TMEM240: variants seen among roughly 807,000 people sequenced by gnomAD.
TMEM240 encodes transmembrane protein C1orf70.
Under a neutral mutation model 19.5 loss-of-function variants are expected in TMEM240, and 3 were observed. The ratio of observed to expected loss-of-function variants is 0.15; its 90% CI spans 0.07 to 0.40. The LOEUF (loss-of-function observed/expected upper bound fraction) is 0.40, where lower values mean the gene tolerates loss of function less well. Among genes scored for constraint, TMEM240 ranks in the 10% least tolerant of loss-of-function variants. The pLI is 1.00. For missense variants in TMEM240, 210 were observed against 253.5 expected, an observed-to-expected ratio of 0.83 and a Z score of 1.17; for synonymous variants, 123 against 109.3, an observed-to-expected ratio of 1.13 and a Z score of -0.78.
At chr1:1,539,584 G>T in intron 2 of TMEM240, 100 bp downstream of exon 2, 1 of 1,063,440 alleles carries the variant, frequency 9.4e-7, no homozygotes, top group Non-Finnish European at 1.4e-6. Context: ...GGTGGAAGGC[G>T]GCTCGCGGCC....
At chr1:1,537,945 C>T (rs943784176) in intron 2 of TMEM240, among the ~76,000 whole-genome samples, 1 of 152,238 alleles carries the variant, frequency 6.6e-6, no homozygotes, top group Non-Finnish European at 1.5e-5. Context: ...TCCACGTCAA[C>T]GTCTACGTAT....
intron 2 of TMEM240, 162 bp downstream of exon 2, chr1:1,539,522 C>A (rs1350825523): frequency 1.6e-6 from 1 of 641,286 alleles, no homozygotes; most frequent in Non-Finnish European, 2.7e-6. Flanking sequence ...CCCAGGAGAC[C>A]CCCGCCCACC....
At position 1,535,382 on chromosome 1, in the gene TMEM240, G is replaced by A. The variant is rs1175853964; in HGVS notation, c.499C>T (p.His167Tyr). ...GCTCACAGGTGCCGCGGGCTGGGGT[G>A]GCCATTGTGGTAGAGTTTCTGCTTC... ...HVKQKLYHNG[H>Y]PSPRHL is the part of the protein sequence containing the mutation. Residue 167 changes from histidine (H) to tyrosine (Y), a missense_variant, in exon 4 of 4, where the codon CAC becomes TAC. Physicochemically the swap from His to Tyr is moderately conservative, Grantham distance 83. Coordinates refer to ENST00000378733, the MANE Select transcript of TMEM240 (RefSeq NM_001114748.2). This position sits in a 1 kb window ranked among gnomAD's most constrained non-coding sequence, Gnocchi z 8.2. The A allele has an allele frequency of 6.5e-7, 1 of 1,549,904 alleles. No individual in the cohort carries two copies. Among genetic ancestry groups the A allele is most frequent in the Admixed American group, 2.0e-5 (1 of 50,964 alleles).
At chr1:1,539,850 G>C (rs1390808976) in intron 1 of TMEM240, 60 bp from the exon 2 acceptor site, 2 of 1,445,266 alleles carry the variant, frequency 1.4e-6, no homozygotes, top group East Asian at 2.5e-5. Context: ...GGGGCTGGGG[G>C]TGGGGAGCGC....
At chr1:1,537,236 G>T (rs1642236113) in intron 2 of TMEM240, among the ~76,000 whole-genome samples, 1 of 151,978 alleles carries the variant, frequency 6.6e-6, no homozygotes, top group Non-Finnish European at 1.5e-5. Context: ...AGCATATCCG[G>T]AAAGTGGCCG....
At position 1,535,020 on chromosome 1, in the gene TMEM240, C is replaced by T. The variant is rs980644510; in HGVS notation, c.*339G>A. Among the ~76,000 whole-genome samples the T allele has an allele frequency of 4.2e-4, 63 of 149,410 alleles. No individual in the cohort carries two copies. The highest frequency in any genetic ancestry group is 1.3e-3 in the South Asian group (6 of 4,684). The stretch of plus-strand genomic sequence containing the variant: ...CAAACAGATGCTGGCCCGGGCCGCG[C>T]GCCTCGCCGCCCCTGCCCCCACCTG... On this transcript the variant is annotated 3_prime_UTR_variant, in exon 4 of 4. Transcript: ENST00000378733. This position sits in a 1 kb window ranked among gnomAD's most constrained non-coding sequence, Gnocchi z 8.2.
rs902299657 is a variant in TMEM240 at position 1,536,050 on chromosome 1, C to T, written c.165-253G>A. On this transcript the variant is annotated intron_variant, in intron 2 of 3. Transcript: ENST00000378733. This position sits in a 1 kb window ranked among gnomAD's most constrained non-coding sequence, Gnocchi z 5.4. ...GTGAAGTCCGGGCAGACAGCGGGAC[C>T]AGCTGCCGGCGAGGGTGTCGGCCCT... 7.2e-5 allele frequency among the ~76,000 whole-genome samples: 11 copies of T among 152,096 alleles called. No individual in the cohort carries two copies. Among genetic ancestry groups the T allele is most frequent in the African/African-American group, 1.2e-4 (5 of 41,414 alleles).
rs1203291018 is a variant in TMEM240 at position 1,536,599 on chromosome 1, C to T, written c.165-802G>A. 6.6e-6 allele frequency among the ~76,000 whole-genome samples: 1 copy of T among 152,194 alleles called. No homozygotes were observed. Among genetic ancestry groups the T allele is most frequent in the African/African-American group, 2.4e-5 (1 of 41,458 alleles). ...CTGCCCAGGCTCAGGCCACAACAGC[C>T]TCTGGCCTCTTGCTGCTGGGGCAAC... On this transcript the variant is annotated intron_variant, in intron 2 of 3. Transcript: ENST00000378733. This position sits in a 1 kb window ranked among gnomAD's most constrained non-coding sequence, Gnocchi z 5.4.
Position 1,535,529 on chromosome 1 carries a change from C to T in TMEM240, c.374-22G>A, listed in dbSNP as rs1436449515. ...CCATCTGCGGGGGGACAGGGGCGGT[C>T]AGGCGGCTGGGGCCGGCCAGGGCGG... On this transcript the variant is annotated intron_variant, in intron 3 of 3. Coordinates refer to ENST00000378733, the MANE Select transcript of TMEM240 (RefSeq NM_001114748.2). The surrounding 1 kb of genome is among the most constrained non-coding windows in gnomAD (Gnocchi z 8.2). The T allele has an allele frequency of 2.5e-5, 38 of 1,538,142 alleles. No individual in the cohort carries two copies. Among genetic ancestry groups the T allele is most frequent in the Non-Finnish European group, 3.0e-5 (34 of 1,141,012 alleles).
rs1178933147 is a variant in TMEM240, at chr1:1,540,283, C to T, written c.57+7G>A. On this transcript the variant is annotated splice_region_variant and intron_variant, in intron 1 of 3. Transcript: ENST00000378733. ...AGGGGGCGCGCGCGGGAAGCCCCTCCGCTCACCATCACGACCGACGCCCCC... is the reference window on the plus strand; with the variant it reads ...AGGGGGCGCGCGCGGGAAGCCCCTCTGCTCACCATCACGACCGACGCCCCC... 2.2e-6 allele frequency: 3 copies of T among 1,334,892 alleles called. No homozygotes were observed. The highest frequency in any genetic ancestry group is 3.3e-5 in the East Asian group (1 of 30,298). 82.7% of individuals were successfully genotyped at this position (1,334,892 alleles called of 1,614,324 possible).
rs1284912203 is a variant in TMEM240, at chr1:1,535,682, G to T, written c.280C>A (p.Leu94Met). 10 of 1,550,230 alleles carry T rather than the reference G, an allele frequency of 6.5e-6. No homozygotes were observed. In the Admixed American group the frequency reaches 1.8e-4, roughly 27 times the overall value. ...TKQEIDLMLG[L>M]LLGFCISWFL... ...CAGCTGATGCAAAAGCCCAGCAGCA[G>T]CCCCAGCATGAGGTCGATCTCCTGC... The change falls in exon 3 of 4, where the codon CTG becomes ATG. Residue 94 changes from leucine (L) to methionine (M), a missense_variant. Transcript: ENST00000378733. The surrounding 1 kb of genome is among the most constrained non-coding windows in gnomAD (Gnocchi z 8.2).
At chr1:1,539,851 TGGGGAG>T in intron 1 of TMEM240, 61 bp from the exon 2 acceptor site, 5 of 901,728 alleles carry the variant, frequency 5.5e-6, no homozygotes, top group Non-Finnish European at 7.6e-6. Flanking sequence ...GGGCTGGGGG[TGGGGAG>T]CGCAGGCCGG....
chr1:1,535,584 C>T lies in TMEM240; in HGVS notation c.373+5G>A. ...ACTCCCGGGCGGCGGGCACGAGGCA[C>T]TCACCGTAGCGCCGTCCGGCTCTCC... On this transcript the variant is annotated splice_donor_5th_base_variant and intron_variant, in intron 3 of 3. Transcript: ENST00000378733. This position sits in a 1 kb window ranked among gnomAD's most constrained non-coding sequence, Gnocchi z 8.2. 6.5e-7 allele frequency: 1 copy of T among 1,547,710 alleles called. No individual in the cohort carries two copies. Among genetic ancestry groups the T allele is most frequent in the Non-Finnish European group, 8.7e-7 (1 of 1,145,350 alleles).
At chr1:1,539,875 G>A in intron 1 of TMEM240, 85 bp from the exon 2 acceptor site, 1 of 1,159,120 alleles carries the variant, frequency 8.6e-7, no homozygotes, top group Non-Finnish European at 1.2e-6. Flanking sequence ...CGGGGTCGGG[G>A]CAGCGCAAGC....
At chr1:1,537,847 C>T (rs555211181) in intron 2 of TMEM240, among the ~76,000 whole-genome samples, 9 of 152,356 alleles carry the variant, frequency 5.9e-5, no homozygotes, top group South Asian at 2.1e-4. Context: ...ACCCTCTCCA[C>T]GGGGCGCCAC....
chr1:1,535,921 CT>C lies in TMEM240; in HGVS notation c.165-125del. ...CGCCCTGGGGGTTCTCTGAAGCAGC[CT>C]CTTGGGCGGGCGGGTCGGGAAGGGG... On this transcript the variant is annotated intron_variant, in intron 2 of 3. Coordinates refer to ENST00000378733, the MANE Select transcript of TMEM240 (RefSeq NM_001114748.2). This position sits in a 1 kb window ranked among gnomAD's most constrained non-coding sequence, Gnocchi z 8.2. 1 of 478,010 alleles carries C rather than the reference CT, an allele frequency of 2.1e-6. No homozygotes were observed. Among genetic ancestry groups the C allele is most frequent in the Non-Finnish European group, 4.0e-6 (1 of 250,330 alleles). 29.6% of individuals were successfully genotyped at this position (478,010 alleles called of 1,614,324 possible). A position where few individuals can be genotyped will look rare whatever the true frequency, so the allele number is the denominator to read the frequency against.
rs551774117 is a variant in TMEM240 at position 1,536,162 on chromosome 1, C to T, written c.165-365G>A. 4.6e-4 allele frequency among the ~76,000 whole-genome samples: 70 copies of T among 152,150 alleles called. No individual in the cohort carries two copies. Among genetic ancestry groups the T allele is most frequent in the African/African-American group, 1.4e-3 (57 of 41,514 alleles). On this transcript the variant is annotated intron_variant, in intron 2 of 3. Coordinates refer to ENST00000378733, the MANE Select transcript of TMEM240 (RefSeq NM_001114748.2). The surrounding 1 kb of genome is among the most constrained non-coding windows in gnomAD (Gnocchi z 5.4). ...CTCCCCCGGAGGGGGCTCAGGACGG[C>T]GGTCCCCACGGCCAGGGTCACAGCT...
In TMEM240 at chr1:1,536,805, C is replaced by T. The variant is rs1642230510; in HGVS notation, c.165-1008G>A. On this transcript the variant is annotated intron_variant, in intron 2 of 3. Transcript: ENST00000378733. This position sits in a 1 kb window ranked among gnomAD's most constrained non-coding sequence, Gnocchi z 5.4. ...GCCTTGCGGTCCACACTCCTGGCTGCCTCCCACATCTCCGCCGAGCTCCAG... is the reference window on the plus strand; with the variant it reads ...GCCTTGCGGTCCACACTCCTGGCTGTCTCCCACATCTCCGCCGAGCTCCAG... Among the ~76,000 whole-genome samples, 2 of 152,184 alleles carry T rather than the reference C, an allele frequency of 1.3e-5. No individual in the cohort carries two copies. Among genetic ancestry groups the T allele is most frequent in the South Asian group, 2.1e-4 (1 of 4,822 alleles).
intron 1 of TMEM240, 87 bp downstream of exon 1, chr1:1,540,203 C>T (rs1431129988): frequency 2.8e-5 from 19 of 675,258 alleles, no homozygotes; most frequent in Non-Finnish European, 3.3e-5. Flanking sequence ...GCAGGCCGCA[C>T]GGGCGGTAAA....
Sources: gnomAD v4.1 joint callset for allele counts (sites outside exome capture counted in the v4.1 genomes callset) on GRCh38, gnomAD v4.1.1 for gene constraint, Gnocchi (gnomAD v3.1) non-coding constraint, MANE v1.5 for transcripts, NCBI Gene and HGNC (gene_info 2026-07-23, HGNC 2026-07-21) for gene names.